PDCD1LG2: variants seen among roughly 807,000 people sequenced by gnomAD.
PDCD1LG2 encodes the protein programmed cell death 1 ligand 2.
PDCD1LG2 carries 32 observed loss-of-function variants against 28.2 expected under a neutral mutation model. That is an observed-to-expected ratio of 1.13 (90% confidence interval 0.86 to 1.52). The LOEUF (loss-of-function observed/expected upper bound fraction) is 1.52. Among genes scored for constraint, PDCD1LG2 ranks in the 40% most tolerant of loss-of-function variants. PDCD1LG2 has a pLI of 0.00. For synonymous variants in PDCD1LG2, 116 were observed against 120.2 expected (o/e 0.97, Z 0.23); for missense variants, 385 against 323.8 (o/e 1.19, Z -1.45).
chr9:5,541,857 G>A (rs1173070044), intron 3 of PDCD1LG2, among the ~76,000 whole-genome samples: 2 of 151,982 alleles, frequency 1.3e-5, no homozygotes, highest in African/African-American at 4.8e-5. Flanking sequence ...CCAAAAAAGA[G>A]CCCACATAGC....
chr9:5,563,819 G>A (rs1360019448), intron 6 of PDCD1LG2, among the ~76,000 whole-genome samples: 1 of 152,198 alleles, frequency 6.6e-6, no homozygotes, highest in African/African-American at 2.4e-5. Context: ...CTACCTTACA[G>A]TCTTGAGGCA....
In PDCD1LG2 at chr9:5,548,121, C is replaced by T. The variant is rs142096015; in HGVS notation, c.362-1214C>T. Among the ~76,000 whole-genome samples, 525 of 152,160 alleles carry T rather than the reference C, an allele frequency of 3.5e-3. 2 individuals carry two copies. Among genetic ancestry groups the T allele is most frequent in the African/African-American group, 0.012 (504 of 41,502 alleles). On this transcript the variant is annotated intron_variant, in intron 3 of 6. Coordinates refer to ENST00000397747, the MANE Select transcript of PDCD1LG2 (RefSeq NM_025239.4). ...GTGGTCATCACACATGGCAATAGAT[C>T]ACTAAAACATTTCCTCTACTCTGAG... is the stretch of plus-strand genomic sequence containing the variant.
At chr9:5,557,773 G>A (rs1165276427) in intron 5 of PDCD1LG2, 21 bp downstream of exon 5, 1 of 1,613,216 alleles carries the variant, frequency 6.2e-7, no homozygotes, top group Non-Finnish European at 8.5e-7. Context: ...TTTATTCATG[G>A]TAACCCAATG....
chr9:5,545,885 G>T (rs912962482), intron 3 of PDCD1LG2, among the ~76,000 whole-genome samples: 1 of 152,166 alleles, frequency 6.6e-6, no homozygotes, highest in East Asian at 1.9e-4. Flanking sequence ...TGTAGAAGGT[G>T]TTTTTCATTG....
At chr9:5,533,601 T>G (rs1033435079) in intron 2 of PDCD1LG2, among the ~76,000 whole-genome samples, 15 of 152,180 alleles carry the variant, frequency 9.9e-5, no homozygotes, top group African/African-American at 3.6e-4. Flanking sequence ...AGGATTAAAA[T>G]AGAATTGAAA....
chr9:5,514,754 T>TG (rs1016661159), intron 1 of PDCD1LG2, among the ~76,000 whole-genome samples: 2 of 124,556 alleles, frequency 1.6e-5, no homozygotes, highest in Non-Finnish European at 3.1e-5. Flanking sequence ...AGGCAATGAG[T>TG]GAGACCTAGT....
chr9:5,520,629 GA>G (rs1820255628), intron 1 of PDCD1LG2, among the ~76,000 whole-genome samples: 1 of 151,804 alleles, frequency 6.6e-6, no homozygotes, highest in Non-Finnish European at 1.5e-5. Context: ...AACAATAAAA[GA>G]AAAAAGTAGA....
chr9:5,515,303 G>A (rs1453412690), intron 1 of PDCD1LG2, among the ~76,000 whole-genome samples: 1 of 152,160 alleles, frequency 6.6e-6, no homozygotes, highest in Non-Finnish European at 1.5e-5. Flanking sequence ...TTAAGAGGTG[G>A]CATGGTTGTT....
intron 2 of PDCD1LG2, 42 bp from the exon 3 acceptor site, chr9:5,534,698 TGTAAA>T (rs1314397157): frequency 1.3e-6 from 2 of 1,522,854 alleles, no homozygotes; most frequent in Non-Finnish European, 1.8e-6. Flanking sequence ...AGAACTGGAA[TGTAAA>T]GTAAAGGCAG....
chr9:5,538,275 G>A (rs1289663430), intron 3 of PDCD1LG2, among the ~76,000 whole-genome samples: 1 of 151,802 alleles, frequency 6.6e-6, no homozygotes, highest in African/African-American at 2.4e-5. Context: ...ATTCCAGCAT[G>A]TTTCATACAT....
chr9:5,513,763 C>T (rs1820104953), intron 1 of PDCD1LG2, among the ~76,000 whole-genome samples: 1 of 152,178 alleles, frequency 6.6e-6, no homozygotes, highest in African/African-American at 2.4e-5. Context: ...TAAGATCCCC[C>T]CAAAACTCAA....
At chr9:5,553,944 C>G (rs1287724006) in intron 4 of PDCD1LG2, among the ~76,000 whole-genome samples, 1 of 152,146 alleles carries the variant, frequency 6.6e-6, no homozygotes, top group Non-Finnish European at 1.5e-5. Context: ...TTTTCTACCT[C>G]CATGCCTTCT....
At chr9:5,550,600 C>T (rs564124322) in intron 4 of PDCD1LG2, among the ~76,000 whole-genome samples, 1 of 152,256 alleles carries the variant, frequency 6.6e-6, no homozygotes, top group South Asian at 2.1e-4. Context: ...CTGCTAGAGG[C>T]CACCTGCATT....
intron 3 of PDCD1LG2, among the ~76,000 whole-genome samples, chr9:5,538,546 G>T (rs1820627183): frequency 6.6e-6 from 1 of 152,074 alleles, no homozygotes; most frequent in African/African-American, 2.4e-5. Context: ...AAATTAGCCG[G>T]GCGCGGTGGC....
chr9:5,513,631 C>T (rs1448423188), intron 1 of PDCD1LG2, among the ~76,000 whole-genome samples: 1 of 152,182 alleles, frequency 6.6e-6, no homozygotes, highest in Non-Finnish European at 1.5e-5. Flanking sequence ...TTAATTTGAA[C>T]TTAAATGCTC....
chr9:5,556,034 T>C (rs7849390), intron 4 of PDCD1LG2, among the ~76,000 whole-genome samples: 62,133 of 152,222 alleles, frequency 0.41, 14,248 homozygotes, highest in African/African-American at 0.63. Context: ...GCACTTTTCA[T>C]GTAGCTGTTG....
chr9:5,536,641 A>C (rs1234258615), intron 3 of PDCD1LG2, among the ~76,000 whole-genome samples: 1 of 152,152 alleles, frequency 6.6e-6, no homozygotes, highest in East Asian at 1.9e-4. Flanking sequence ...CCATTCTCTC[A>C]AACTGAGAAC....
At chr9:5,549,907 A>T (rs982977926) in intron 4 of PDCD1LG2, among the ~76,000 whole-genome samples, 2 of 152,194 alleles carry the variant, frequency 1.3e-5, no homozygotes, top group East Asian at 1.9e-4. Context: ...TGGAAACTGG[A>T]TGAATGAATA....
Position 5,569,797 on chromosome 9 carries a change from T to C in PDCD1LG2, c.817-157T>C, listed in dbSNP as rs1254859188. 2.6e-5 allele frequency among the ~76,000 whole-genome samples: 4 copies of C among 152,198 alleles called. No homozygotes were observed. Among genetic ancestry groups the C allele is most frequent in the East Asian group, 3.8e-4 (2 of 5,206 alleles). On this transcript the variant is annotated intron_variant, in intron 6 of 6. Coordinates refer to ENST00000397747, the MANE Select transcript of PDCD1LG2 (RefSeq NM_025239.4). This position sits in a 1 kb window ranked among gnomAD's most constrained non-coding sequence, Gnocchi z 4.1. ...CTTGGACTAGGGCAATGGTAAAAAC[T>C]GTGGAAAGAAGTTTTAAATGAAAAG...
Sources: gnomAD v4.1 joint callset for allele counts (sites outside exome capture counted in the v4.1 genomes callset) on GRCh38, gnomAD v4.1.1 for gene constraint, Gnocchi (gnomAD v3.1) non-coding constraint, MANE v1.5 for transcripts, NCBI Gene and HGNC (gene_info 2026-07-23, HGNC 2026-07-21) for gene names.